Variants in PHEX observed in about 807,000 individuals in gnomAD.
PHEX encodes the protein phosphate regulating endopeptidase X-linked, also known as phosphate-regulating neutral endopeptidase PHEX.
PHEX carries 16 observed loss-of-function variants against 68.0 expected under a neutral mutation model. The ratio of observed to expected loss-of-function variants is 0.24; its 90% CI spans 0.16 to 0.36. The LOEUF (loss-of-function observed/expected upper bound fraction) is 0.36. PHEX is among the 10% of genes least tolerant of loss of function. The probability of loss-of-function intolerance (pLI) is 1.00; values close to 1 mark genes in which losing one functional copy is unlikely to be tolerated. For missense variants in PHEX, 480 were observed against 575.5 expected (o/e 0.83, Z 1.70); for synonymous variants, 208 against 205.1 (o/e 1.01, Z -0.12).
intron 3 of PHEX, among the ~76,000 whole-genome samples, chrX:22,055,685 C>G (rs1398822607): frequency 9.0e-6 from 1 of 111,569 alleles, no homozygotes; most frequent in Non-Finnish European, 1.9e-5. Flanking sequence ...CCTCAGCTTC[C>G]TGAGTAGCTG....
intron 15 of PHEX, among the ~76,000 whole-genome samples, chrX:22,199,856 A>T (rs144169362): frequency 0.042 from 4,671 of 111,894 alleles, 101 homozygotes; most frequent in Middle Eastern, 0.065. Context: ...GTTGTGGAGG[A>T]AAAAGAAATT....
At chrX:22,097,173 A>T (rs1930179625) in intron 8 of PHEX, 135 bp downstream of exon 8, 1 of 535,380 alleles carries the variant, frequency 1.9e-6, no homozygotes, top group African/African-American at 2.3e-5. Context: ...CAACAATCAC[A>T]TAAAATATCC....
intron 16 of PHEX, among the ~76,000 whole-genome samples, chrX:22,215,047 G>A (rs185162839): frequency 3.6e-5 from 4 of 111,687 alleles, no homozygotes; most frequent in African/African-American, 6.5e-5. Flanking sequence ...TCTGCTTACT[G>A]TTAACAATTT....
intron 5 of PHEX, among the ~76,000 whole-genome samples, chrX:22,089,963 C>G (rs1037162174): frequency 1.9e-4 from 21 of 112,174 alleles, no homozygotes; most frequent in African/African-American, 6.8e-4. Flanking sequence ...GATTAATCAA[C>G]TCTATACAGA....
At chrX:22,187,410 A>G (rs1045637498) in intron 14 of PHEX, among the ~76,000 whole-genome samples, 2 of 111,495 alleles carry the variant, frequency 1.8e-5, no homozygotes, top group African/African-American at 6.5e-5. Context: ...AGCGTGTCAA[A>G]TCCTTCTTAC....
intron 5 of PHEX, among the ~76,000 whole-genome samples, chrX:22,088,753 G>A (rs369717391): frequency 9.0e-6 from 1 of 111,034 alleles, no homozygotes; most frequent in African/African-American, 3.3e-5. Flanking sequence ...TCTGTGGCTT[G>A]TCTTTTTATT....
At chrX:22,139,702 ATT>A (rs368551912) in intron 12 of PHEX, among the ~76,000 whole-genome samples, 7,125 of 90,600 alleles carry the variant, frequency 0.079, 293 homozygotes, top group South Asian at 0.15. Flanking sequence ...GGTTTTCTTA[ATT>A]TTTTTTTTTT....
At chrX:22,156,422 A>G (rs1450534954) in intron 12 of PHEX, among the ~76,000 whole-genome samples, 2 of 109,043 alleles carry the variant, frequency 1.8e-5, no homozygotes, top group East Asian at 2.9e-4. Flanking sequence ...TTGTAGGCCG[A>G]TAAGGGAAGC....
At chrX:22,099,308 A>T in intron 9 of PHEX, 157 bp downstream of exon 9, 2 of 514,672 alleles carry the variant, frequency 3.9e-6, no homozygotes, top group South Asian at 5.7e-5. Flanking sequence ...ACTGGCCAAA[A>T]GCACTGTCTG....
chrX:22,124,620 T>C (rs10521913), intron 11 of PHEX, among the ~76,000 whole-genome samples: 5,227 of 112,309 alleles, frequency 0.047, 284 homozygotes, highest in African/African-American at 0.16. Flanking sequence ...ACTGATTGAC[T>C]TGTAAATATT....
chrX:22,130,610 A>G (rs1931953167), intron 11 of PHEX, among the ~76,000 whole-genome samples: 1 of 108,229 alleles, frequency 9.2e-6, no homozygotes, highest in Admixed American at 9.9e-5. Flanking sequence ...TAGTCCCCGG[A>G]GATTTCCTTG....
At chrX:22,049,405 C>T (rs772245660) in intron 3 of PHEX, among the ~76,000 whole-genome samples, 4 of 111,027 alleles carry the variant, frequency 3.6e-5, no homozygotes, top group South Asian at 3.8e-4. Context: ...TGAGCCACCG[C>T]GCCTGGCCAA....
chrX:22,098,136 T>C (rs1930233192), intron 8 of PHEX: 1 of 108,228 alleles, frequency 9.2e-6, no homozygotes, highest in African/African-American at 3.6e-5. Flanking sequence ...CAGAGACAAA[T>C]TATGTACTGG....
chrX:22,113,005 TTGTGTGTGTGTGTG>T lies in PHEX; in HGVS notation c.1174-1417_1174-1404del, dbSNP rs560422828. Among the ~76,000 whole-genome samples, 387 of 88,700 alleles carry T rather than the reference TTGTGTGTGTGTGTG, an allele frequency of 4.4e-3. 5 individuals carry two copies. Among genetic ancestry groups the T allele is most frequent in the African/African-American group, 0.014 (348 of 25,663 alleles). 77.0% of individuals were successfully genotyped at this position (88,700 alleles called of 115,157 possible). On this transcript the variant is annotated intron_variant, in intron 10 of 21. Transcript: ENST00000379374. ...GGTTAAGATACAAAACAAGTAGGTT[TTGTGTGTGTGTGTG>T]TGTGTGTGTGTGTGTGTGTGTGTGT...
intron 20 of PHEX, among the ~76,000 whole-genome samples, chrX:22,242,226 AC>A (rs1368734476): frequency 3.6e-5 from 4 of 112,060 alleles, no homozygotes; most frequent in African/African-American, 1.3e-4. Flanking sequence ...AAAATTCAAC[AC>A]CCCTTGATGC....
At chrX:22,197,599 A>G (rs1934407453) in intron 15 of PHEX, among the ~76,000 whole-genome samples, 1 of 111,059 alleles carries the variant, frequency 9.0e-6, no homozygotes, top group Non-Finnish European at 1.9e-5. Flanking sequence ...ACCGTGGCCC[A>G]GGCTGACATC....
chrX:22,224,681 G>A (rs1230521172), intron 18 of PHEX, among the ~76,000 whole-genome samples: 2 of 110,905 alleles, frequency 1.8e-5, no homozygotes, highest in South Asian at 3.9e-4. Flanking sequence ...TACCTCATAC[G>A]ACTGTGGATA....
intron 2 of PHEX, among the ~76,000 whole-genome samples, chrX:22,041,265 C>CTCTCTCTCTCTATATATA (rs1468778300): frequency 4.1e-5 from 3 of 72,818 alleles, no homozygotes; most frequent in African/African-American, 1.9e-4. Flanking sequence ...CTCTCTCTCT[C>CTCTCTCTCTCTATATATA]TATATATATA....
At chrX:22,232,831 C>T (rs1429288758) in intron 20 of PHEX, among the ~76,000 whole-genome samples, 2 of 109,095 alleles carry the variant, frequency 1.8e-5, no homozygotes, top group Non-Finnish European at 1.9e-5. Flanking sequence ...GAATTTGATC[C>T]CGTCATTATG....
Sources: gnomAD v4.1 joint callset for allele counts (sites outside exome capture counted in the v4.1 genomes callset) on GRCh38, gnomAD v4.1.1 for gene constraint, MANE v1.5 for transcripts, NCBI Gene and HGNC (gene_info 2026-07-23, HGNC 2026-07-21) for gene names.